Variants in LMOD1 observed in about 807,000 individuals in gnomAD.
LMOD1 encodes leiomodin 1.
In LMOD1, 8 loss-of-function variants were observed where a neutral mutation model predicts 36.5. That is an observed-to-expected ratio of 0.22 (90% CI 0.13 to 0.40). The LOEUF is 0.40. Ranked by LOEUF, LMOD1 falls within the 10% of genes least tolerant of loss-of-function variation. The probability of loss-of-function intolerance (pLI) is 1.00; values close to 1 mark genes in which losing one functional copy is unlikely to be tolerated. For missense variants in LMOD1, 630 were observed against 751.1 expected, an observed-to-expected ratio of 0.84 and a Z score of 1.88; for synonymous variants, 284 against 288.7, an observed-to-expected ratio of 0.98 and a Z score of 0.17.
At chr1:201,902,969 C>T (rs1681356398) in intron 1 of LMOD1, among the ~76,000 whole-genome samples, 1 of 152,168 alleles carries the variant, frequency 6.6e-6, no homozygotes, top group Non-Finnish European at 1.5e-5. Flanking sequence ...TAAAGGGAGG[C>T]TGTGATGTCC....
In LMOD1 at chr1:201,900,706, C is replaced by G. The variant is rs1236732627; in HGVS notation, c.307G>C (p.Glu103Gln). 1 of 1,612,002 alleles carries G rather than the reference C, an allele frequency of 6.2e-7. No homozygotes were observed. Among genetic ancestry groups the G allele is most frequent in the Non-Finnish European group, 8.5e-7 (1 of 1,179,214 alleles). The part of the protein sequence containing the change: ...ETKTDAKNGE[E>Q]RGRDASKKAL... ...TTTTTGCTGGCATCTCTGCCCCTTT[C>G]CTCTCCATTCTTGGCATCTGTCTTG... The change falls in exon 2 of 3, where the codon GAA becomes CAA. Residue 103 changes from glutamate to glutamine, a missense_variant. By Grantham distance (29) the Glu-to-Gln change is conservative. Transcript: ENST00000367288.
At chr1:201,936,341 A>G (rs943158477) in intron 1 of LMOD1, among the ~76,000 whole-genome samples, 1 of 152,088 alleles carries the variant, frequency 6.6e-6, no homozygotes, top group African/African-American at 2.4e-5. Flanking sequence ...CATAAATTAG[A>G]TCACATCTCT....
intron 1 of LMOD1, among the ~76,000 whole-genome samples, chr1:201,902,298 G>A (rs1011946835): frequency 2.0e-5 from 3 of 151,854 alleles, no homozygotes; most frequent in Admixed American, 1.3e-4. Context: ...GGAATTCATT[G>A]GGTCAGCTGA....
At chr1:201,917,339 C>T (rs1470982425) in intron 1 of LMOD1, among the ~76,000 whole-genome samples, 1 of 152,014 alleles carries the variant, frequency 6.6e-6, no homozygotes, top group Non-Finnish European at 1.5e-5. Flanking sequence ...CCCCTACCAC[C>T]AAGGCTTCTG....
intron 1 of LMOD1, among the ~76,000 whole-genome samples, chr1:201,943,913 A>G (rs1682161385): frequency 6.6e-6 from 1 of 152,188 alleles, no homozygotes; most frequent in Non-Finnish European, 1.5e-5. Context: ...TAATACTTAA[A>G]TCCAAGTTCT....
At position 201,939,710 on chromosome 1, in the gene LMOD1, G is replaced by A. The variant is rs55931760; in HGVS notation, c.261+6370C>T. Among the ~76,000 whole-genome samples, 1,411 of 152,050 alleles carry A rather than the reference G, an allele frequency of 9.3e-3. 16 individuals carry two copies. The highest frequency in any genetic ancestry group is 0.015 in the Non-Finnish European group (1,008 of 67,998). On this transcript the variant is annotated intron_variant, in intron 1 of 2. Transcript: ENST00000367288. ...TGGCAGGCATGTAAATATTAGCGTC[G>A]CCACTCCTGTCCCCCATGCATGGCG... is the stretch of plus-strand genomic sequence containing the variant.
Position 201,899,658 on chromosome 1 carries a change from T to A in LMOD1, c.1355A>T (p.Tyr452Phe). The change falls in exon 2 of 3, where the codon TAC (tyrosine) becomes TTC (phenylalanine). Residue 452 changes from tyrosine to phenylalanine, a missense_variant. By Grantham distance (22) the Tyr-to-Phe change is conservative. Coordinates refer to ENST00000367288, the MANE Select transcript of LMOD1 (RefSeq NM_012134.3). The surrounding 1 kb of genome is among the most constrained non-coding windows in gnomAD (Gnocchi z 6.3). ...TCGGGGCCCGGCCAGCTCAAAATGG[T>A]AGCCCAGCTTGAGCAGGGTAGTATT... ...KENTTLLKLG[Y>F]HFELAGPRMT... The A allele has an allele frequency of 2.5e-6, 4 of 1,613,808 alleles. No homozygotes were observed. Among genetic ancestry groups the A allele is most frequent in the Non-Finnish European group, 3.4e-6 (4 of 1,179,818 alleles).
At chr1:201,938,797 C>T (rs1251674019) in intron 1 of LMOD1, among the ~76,000 whole-genome samples, 1 of 152,176 alleles carries the variant, frequency 6.6e-6, no homozygotes, top group Non-Finnish European at 1.5e-5. Context: ...TAAACAGCAT[C>T]CCGACAACCC....
At chr1:201,906,054 C>T (rs1056854442) in intron 1 of LMOD1, among the ~76,000 whole-genome samples, 4 of 152,196 alleles carry the variant, frequency 2.6e-5, no homozygotes, top group African/African-American at 9.7e-5. Flanking sequence ...ATGCCCCTAG[C>T]TCGAGCTCCT....
At chr1:201,925,886 T>C (rs1174351055) in intron 1 of LMOD1, among the ~76,000 whole-genome samples, 1 of 151,868 alleles carries the variant, frequency 6.6e-6, no homozygotes, top group Non-Finnish European at 1.5e-5. Flanking sequence ...TAAATTCTTT[T>C]GGAGAGACTG....
intron 1 of LMOD1, among the ~76,000 whole-genome samples, chr1:201,935,678 TC>T (rs1175042009): frequency 1.3e-5 from 2 of 151,652 alleles, no homozygotes; most frequent in Non-Finnish European, 2.9e-5. Context: ...TGCCTCAGCC[TC>T]CCGAGTACCT....
chr1:201,900,372 A>G lies in LMOD1; in HGVS notation c.641T>C (p.Val214Ala). 1 of 1,502,430 alleles carries G rather than the reference A, an allele frequency of 6.7e-7. No homozygotes were observed. Among genetic ancestry groups the G allele is most frequent in the South Asian group, 1.2e-5 (1 of 83,980 alleles). The allele number at this position is 1,502,430 out of a possible 1,614,324, so 93.1% of individuals were successfully genotyped here. Residue 214 changes from valine (V) to alanine (A), a missense_variant, in exon 2 of 3, where the codon GTG (valine) becomes GCG (alanine). Physicochemically the swap from Val to Ala is moderately conservative, Grantham distance 64. Coordinates refer to ENST00000367288, the MANE Select transcript of LMOD1 (RefSeq NM_012134.3). ...KDKKREEMKEVAKKEDDEKVK... is the reference protein window; with the variant it reads ...KDKKREEMKEAAKKEDDEKVK... ...CTTCTCATCATCCTCTTTCTTGGCC[A>G]CCTCCTTCATCTCCTCTCTCTTTTT...
intron 1 of LMOD1, among the ~76,000 whole-genome samples, chr1:201,915,198 G>GCT (rs1558237638): frequency 6.6e-6 from 1 of 152,068 alleles, no homozygotes; most frequent in African/African-American, 2.4e-5. Context: ...TTTCCTCCTA[G>GCT]CTCTCTGATA....
At chr1:201,933,957 G>A (rs1041199849) in intron 1 of LMOD1, among the ~76,000 whole-genome samples, 2 of 152,170 alleles carry the variant, frequency 1.3e-5, no homozygotes, top group African/African-American at 4.8e-5. Flanking sequence ...GGTCCCCCTG[G>A]TTTGGCTTGC....
In LMOD1 at chr1:201,897,174, ACAC is replaced by A; in HGVS notation, c.*1195_*1197del. The stretch of plus-strand genomic sequence containing the variant: ...ATGAGGCCCCTCTGAGCCCTAGGGC[ACAC>A]AGATATGGGTGCTATTCTCCAAATA... On this transcript the variant is annotated 3_prime_UTR_variant, in exon 3 of 3. Coordinates refer to ENST00000367288, the MANE Select transcript of LMOD1 (RefSeq NM_012134.3). The A allele has an allele frequency of 8.9e-6, 2 of 225,614 alleles. No homozygotes were observed. Among genetic ancestry groups the A allele is most frequent in the Non-Finnish European group, 9.0e-6 (1 of 110,530 alleles). 14.0% of individuals were successfully genotyped at this position (225,614 alleles called of 1,614,324 possible). A position where few individuals can be genotyped will look rare whatever the true frequency, so the allele number is the denominator to read the frequency against.
intron 1 of LMOD1, among the ~76,000 whole-genome samples, chr1:201,943,273 G>A (rs1682150932): frequency 6.6e-6 from 1 of 152,204 alleles, no homozygotes; most frequent in African/African-American, 2.4e-5. Flanking sequence ...GTGTGACTTT[G>A]GGAAGGTTAT....
chr1:201,944,410 G>C (rs1682168168), intron 1 of LMOD1, among the ~76,000 whole-genome samples: 1 of 152,162 alleles, frequency 6.6e-6, no homozygotes, highest in African/African-American at 2.4e-5. Context: ...GAAGCTACCG[G>C]ACACAAGGCA....
chr1:201,905,142 C>T (rs1248562373), intron 1 of LMOD1, among the ~76,000 whole-genome samples: 3 of 152,106 alleles, frequency 2.0e-5, no homozygotes, highest in African/African-American at 4.8e-5. Context: ...TTTCCCTTTG[C>T]GAAAAGCATT....
rs80318791 is a variant in LMOD1 at position 201,942,123 on chromosome 1, G to A, written c.261+3957C>T. ...ACAGGTCTGGCCCTTTAAAGGGAGG[G>A]AGAGAAGCTGGGGTCAATTCTTCCA... On this transcript the variant is annotated intron_variant, in intron 1 of 2. Transcript: ENST00000367288. Among the ~76,000 whole-genome samples the A allele has an allele frequency of 7.2e-3, 1,100 of 152,278 alleles. 9 individuals carry two copies. The highest frequency in any genetic ancestry group is 0.019 in the South Asian group (92 of 4,830).
Sources: gnomAD v4.1 joint callset for allele counts (sites outside exome capture counted in the v4.1 genomes callset) on GRCh38, gnomAD v4.1.1 for gene constraint, Gnocchi (gnomAD v3.1) non-coding constraint, MANE v1.5 for transcripts, NCBI Gene and HGNC (gene_info 2026-07-23, HGNC 2026-07-21) for gene names.